Variants in CNTN5 observed in about 807,000 individuals in gnomAD.
CNTN5 encodes contactin 5.
CNTN5 carries 77 observed loss-of-function variants against 129.1 expected under a neutral mutation model. The observed-to-expected ratio is 0.60, with a 90% CI of 0.50 to 0.72. CNTN5 has a LOEUF of 0.72. CNTN5 is among the 30% of genes least tolerant of loss of function. The pLI, the probability that CNTN5 is intolerant of heterozygous loss-of-function variation, is 0.00. For synonymous variants in CNTN5, 509 were observed against 465.6 expected (o/e 1.09, Z -1.20); for missense variants, 1,478 against 1,328.8 (o/e 1.11, Z -1.75).
At chr11:99,484,914 G>A (rs1055449103) in intron 2 of CNTN5, among the ~76,000 whole-genome samples, 67 of 152,096 alleles carry the variant, frequency 4.4e-4, no homozygotes, top group Non-Finnish European at 7.4e-5. Flanking sequence ...ATTGGGAAGG[G>A]CCGGGGAGAG....
At chr11:99,984,686 A>T (rs1260600987) in intron 8 of CNTN5, among the ~76,000 whole-genome samples, 2 of 152,222 alleles carry the variant, frequency 1.3e-5, no homozygotes, top group African/African-American at 4.8e-5. Context: ...AAGGACCAAT[A>T]GCATGTATAC....
intron 2 of CNTN5, among the ~76,000 whole-genome samples, chr11:99,476,946 C>A (rs1945393953): frequency 6.6e-6 from 1 of 151,936 alleles, no homozygotes; most frequent in African/African-American, 2.4e-5. Flanking sequence ...AGATGCCACC[C>A]TATGCTTGTG....
intron 1 of CNTN5, among the ~76,000 whole-genome samples, chr11:99,078,656 G>A (rs1865674447): frequency 6.6e-6 from 1 of 152,194 alleles, no homozygotes; most frequent in Non-Finnish European, 1.5e-5. Context: ...GATAGAACTG[G>A]AGGACAGTAC....
intron 7 of CNTN5, among the ~76,000 whole-genome samples, chr11:99,940,471 G>T (rs925195827): frequency 6.6e-6 from 1 of 152,056 alleles, no homozygotes; most frequent in African/African-American, 2.4e-5. Flanking sequence ...CCACATAAAG[G>T]CTAGTACCTA....
chr11:99,968,570 A>G (rs1465050006), intron 8 of CNTN5, among the ~76,000 whole-genome samples: 1 of 151,568 alleles, frequency 6.6e-6, no homozygotes. Flanking sequence ...TTTGGTACTC[A>G]ACAATGGAAT....
chr11:100,192,478 A>G (rs1948521987), intron 14 of CNTN5, among the ~76,000 whole-genome samples: 1 of 152,018 alleles, frequency 6.6e-6, no homozygotes, highest in African/African-American at 2.4e-5. Flanking sequence ...GGAACATTAA[A>G]GGATCTGATC....
chr11:99,150,580 A>G lies in CNTN5; in HGVS notation c.-210+129310A>G, dbSNP rs1860006591. ...TTAATTGCATTATTCAAGAATTTGT[A>G]TCACATCTTTATTTTGAAGAATGGT... On this transcript the variant is annotated intron_variant, in intron 1 of 24. Transcript: ENST00000524871. Among the ~76,000 whole-genome samples, 3 of 152,066 alleles carry G rather than the reference A, an allele frequency of 2.0e-5. No homozygotes were observed. In the South Asian group the frequency reaches 6.2e-4, roughly 31 times the overall value.
At chr11:99,513,159 C>T (rs1395990371) in intron 2 of CNTN5, among the ~76,000 whole-genome samples, 1 of 152,108 alleles carries the variant, frequency 6.6e-6, no homozygotes, top group Non-Finnish European at 1.5e-5. Context: ...ATCAAACCAG[C>T]CACAACATTC....
chr11:99,756,522 C>G (rs559920110), intron 3 of CNTN5, among the ~76,000 whole-genome samples: 1 of 152,192 alleles, frequency 6.6e-6, no homozygotes, highest in East Asian at 1.9e-4. Flanking sequence ...AATGAGTAAG[C>G]TGATGTGACT....
chr11:100,105,992 A>C (rs574336788), intron 13 of CNTN5, among the ~76,000 whole-genome samples: 3 of 152,306 alleles, frequency 2.0e-5, no homozygotes, highest in Admixed American at 2.0e-4. Flanking sequence ...TTAATGGAAC[A>C]CTAGCTACCT....
At chr11:99,468,731 A>G (rs539567512) in intron 2 of CNTN5, among the ~76,000 whole-genome samples, 1 of 143,890 alleles carries the variant, frequency 6.9e-6, no homozygotes, top group South Asian at 2.2e-4. Context: ...ATTGTTAGAA[A>G]CTTTTTTTTT....
rs148099812 is a variant in CNTN5 at position 99,053,943 on chromosome 11, G to A, written c.-210+32673G>A. On this transcript the variant is annotated intron_variant, in intron 1 of 24. Transcript: ENST00000524871. ...TCAATCAAATAAGCAGATATTGGAT[G>A]TTTGTTCCATCTTATTCTAATGTAC... Among the ~76,000 whole-genome samples, 414 of 152,068 alleles carry A rather than the reference G, an allele frequency of 2.7e-3. 4 individuals carry two copies. The highest frequency in any genetic ancestry group is 0.014 in the South Asian group (68 of 4,830).
At chr11:99,523,435 A>G (rs1397788012) in intron 2 of CNTN5, among the ~76,000 whole-genome samples, 1 of 151,970 alleles carries the variant, frequency 6.6e-6, no homozygotes, top group Non-Finnish European at 1.5e-5. Context: ...TCTCTACAAA[A>G]AACACAAAAA....
At chr11:99,057,111 A>G (rs992141410) in intron 1 of CNTN5, among the ~76,000 whole-genome samples, 2 of 152,092 alleles carry the variant, frequency 1.3e-5, no homozygotes, top group Admixed American at 6.6e-5. Context: ...AACTTAAATT[A>G]TGCTGTCTCT....
At chr11:99,990,840 A>G (rs1939036097) in intron 8 of CNTN5, among the ~76,000 whole-genome samples, 1 of 152,212 alleles carries the variant, frequency 6.6e-6, no homozygotes, top group Non-Finnish European at 1.5e-5. Context: ...TAAATAATAT[A>G]TAATCTAACG....
intron 2 of CNTN5, among the ~76,000 whole-genome samples, chr11:99,464,596 A>G (rs2135249152): frequency 6.6e-6 from 1 of 152,288 alleles, no homozygotes; most frequent in African/African-American, 2.4e-5. Flanking sequence ...TGTTATAAGC[A>G]TTGAAATTGA....
intron 21 of CNTN5, among the ~76,000 whole-genome samples, chr11:100,332,996 G>A (rs1951938650): frequency 6.6e-6 from 1 of 152,138 alleles, no homozygotes; most frequent in African/African-American, 2.4e-5. Context: ...TAAGGAGGAA[G>A]TCAAACTGTC....
chr11:99,415,261 G>C (rs186087024), intron 2 of CNTN5, among the ~76,000 whole-genome samples: 50 of 152,202 alleles, frequency 3.3e-4, no homozygotes, highest in Admixed American at 9.8e-4. Flanking sequence ...GAAGCCATCT[G>C]ATTTTCTTCT....
intron 3 of CNTN5, among the ~76,000 whole-genome samples, chr11:99,713,777 A>G (rs1279092082): frequency 6.6e-6 from 1 of 151,916 alleles, no homozygotes; most frequent in Non-Finnish European, 1.5e-5. Context: ...TGTAGAAAGT[A>G]AATTGATTTT....
Sources: gnomAD v4.1 joint callset for allele counts (sites outside exome capture counted in the v4.1 genomes callset) on GRCh38, gnomAD v4.1.1 for gene constraint, MANE v1.5 for transcripts, NCBI Gene and HGNC (gene_info 2026-07-23, HGNC 2026-07-21) for gene names.